SPIDR: variants seen among roughly 807,000 people sequenced by gnomAD.
SPIDR encodes the protein DNA repair-scaffolding protein.
A neutral mutation model predicts 104.6 loss-of-function variants in SPIDR; 93 were observed. The ratio of observed to expected loss-of-function variants is 0.89; its 90% CI spans 0.75 to 1.06. The LOEUF (loss-of-function observed/expected upper bound fraction) is 1.06. Among genes scored for constraint, SPIDR ranks in the 50% least tolerant of loss-of-function variants. SPIDR has a pLI of 0.00. For missense variants in SPIDR, 1,154 were observed against 1,111.2 expected, an observed-to-expected ratio of 1.04 and a Z score of -0.55; for synonymous variants, 431 against 416.9, an observed-to-expected ratio of 1.03 and a Z score of -0.41.
chr8:47,535,361 T>G (rs2086722083), intron 8 of SPIDR, among the ~76,000 whole-genome samples: 1 of 151,958 alleles, frequency 6.6e-6, no homozygotes, highest in African/African-American at 2.4e-5. Context: ...ACTCACAGAT[T>G]GTGAGGGATG....
intron 11 of SPIDR, among the ~76,000 whole-genome samples, chr8:47,684,378 A>G (rs1283060929): frequency 6.6e-6 from 1 of 152,142 alleles, no homozygotes; most frequent in Non-Finnish European, 1.5e-5. Context: ...TAAAACAACA[A>G]CAACAAAAAC....
chr8:47,279,936 C>T lies in SPIDR; in HGVS notation c.108C>T (p.Leu36=). ...ERPLQVRRAG[L]RTAGAAASLS... ...CACTGCAGGTCAGAAGAGCAGGTCT[C>T]AGGACAGCAGGGGCAGCTGCCTCTC... is the stretch of plus-strand genomic sequence containing the variant. The change falls in exon 2 of 20, where the codon CTC becomes CTT. Residue 36 remains leucine (L), a synonymous_variant. Transcript: ENST00000297423. 1 of 1,614,152 alleles carries T rather than the reference C, an allele frequency of 6.2e-7. No homozygotes were observed. Among genetic ancestry groups the T allele is most frequent in the Non-Finnish European group, 8.5e-7 (1 of 1,180,012 alleles).
intron 5 of SPIDR, among the ~76,000 whole-genome samples, chr8:47,351,639 A>T (rs1236167435): frequency 6.6e-6 from 1 of 152,208 alleles, no homozygotes; most frequent in Non-Finnish European, 1.5e-5. Context: ...TGTGGATTCA[A>T]TCAACCATGG....
At chr8:47,673,035 A>G (rs2075992289) in intron 10 of SPIDR, among the ~76,000 whole-genome samples, 1 of 152,110 alleles carries the variant, frequency 6.6e-6, no homozygotes, top group Non-Finnish European at 1.5e-5. Context: ...AACAGTTTTT[A>G]TGTCCATTTT....
chr8:47,631,293 T>C (rs2154442384), intron 10 of SPIDR, among the ~76,000 whole-genome samples: 1 of 152,324 alleles, frequency 6.6e-6, no homozygotes, highest in African/African-American at 2.4e-5. Flanking sequence ...GATTGCAGTC[T>C]TTAGTTGAAG....
Position 47,336,876 on chromosome 8 carries a change from C to G in SPIDR, c.525+42846C>G, listed in dbSNP as rs183056707. Among the ~76,000 whole-genome samples, 98 of 152,254 alleles carry G rather than the reference C, an allele frequency of 6.4e-4. 1 individual carries two copies. The East Asian group carries it at 0.017, about 26-fold the overall frequency. The stretch of plus-strand genomic sequence containing the variant: ...TTTTCTCTGAAGTGGCTGCACTGTT[C>G]TGCATTCCCACTAGAAATGTTTGAG... On this transcript the variant is annotated intron_variant, in intron 5 of 19. Transcript: ENST00000297423.
intron 10 of SPIDR, among the ~76,000 whole-genome samples, chr8:47,631,201 T>C (rs2067023633): frequency 6.6e-6 from 1 of 152,178 alleles, no homozygotes; most frequent in African/African-American, 2.4e-5. Context: ...CCATGGATCC[T>C]CTGACTCTGA....
chr8:47,326,890 G>A (rs2047745962), intron 5 of SPIDR, among the ~76,000 whole-genome samples: 1 of 152,194 alleles, frequency 6.6e-6, no homozygotes, highest in Admixed American at 6.5e-5. Flanking sequence ...TGGCTACTGT[G>A]AATAGAGCTG....
Position 47,396,440 on chromosome 8 carries a change from T to G in SPIDR, c.590T>G (p.Val197Gly). Residue 197 changes from valine to glycine, a missense_variant, in exon 6 of 20, where the codon GTC (valine) becomes GGC (glycine). Coordinates refer to ENST00000297423, the MANE Select transcript of SPIDR (RefSeq NM_001080394.4). ...DSEKEDDLEN[V>G]LLIDSESPHK... ...GAAAAAGAAGATGATTTGGAAAATG[T>G]CCTACTCATTGATTCAGAATCCCCT... The G allele has an allele frequency of 6.2e-7, 1 of 1,613,980 alleles. No homozygotes were observed. Among genetic ancestry groups the G allele is most frequent in the South Asian group, 1.1e-5 (1 of 91,084 alleles).
At chr8:47,572,691 A>G (rs1335617852) in intron 8 of SPIDR, among the ~76,000 whole-genome samples, 4 of 151,166 alleles carry the variant, frequency 2.6e-5, no homozygotes, top group Admixed American at 2.0e-4. Flanking sequence ...TAAATAAATA[A>G]ATAAATAAAT....
At chr8:47,297,998 G>C (rs988901256) in intron 5 of SPIDR, among the ~76,000 whole-genome samples, 1 of 152,278 alleles carries the variant, frequency 6.6e-6, no homozygotes, top group East Asian at 1.9e-4. Flanking sequence ...GGGTCAAATG[G>C]TATTTCTAGT....
At chr8:47,432,485 C>A (rs1307071996) in intron 7 of SPIDR, among the ~76,000 whole-genome samples, 1 of 152,146 alleles carries the variant, frequency 6.6e-6, no homozygotes, top group Non-Finnish European at 1.5e-5. Flanking sequence ...TATTAGGAGT[C>A]ATTCATTTCT....
chr8:47,416,307 T>A (rs1181413464), intron 7 of SPIDR, among the ~76,000 whole-genome samples: 1 of 152,194 alleles, frequency 6.6e-6, no homozygotes, highest in Non-Finnish European at 1.5e-5. Context: ...TTGAGATTTT[T>A]CACTTAGTTT....
chr8:47,563,314 C>T (rs1472452905), intron 8 of SPIDR, among the ~76,000 whole-genome samples: 8 of 152,072 alleles, frequency 5.3e-5, no homozygotes, highest in Admixed American at 3.9e-4. Flanking sequence ...AGATTACCAG[C>T]GTGCACCATG....
intron 8 of SPIDR, among the ~76,000 whole-genome samples, chr8:47,541,973 G>T (rs1031154703): frequency 2.0e-5 from 3 of 152,002 alleles, no homozygotes; most frequent in Non-Finnish European, 4.4e-5. Context: ...TAATCCACAT[G>T]CATACACATA....
At chr8:47,673,616 T>G in intron 10 of SPIDR, 185 bp from the exon 11 acceptor site, 1 of 732,768 alleles carries the variant, frequency 1.4e-6, no homozygotes, top group Non-Finnish European at 2.2e-6. Flanking sequence ...GACTCACCCA[T>G]TTAGGAAGAT....
At chr8:47,552,459 A>G (rs550452142) in intron 8 of SPIDR, among the ~76,000 whole-genome samples, 2 of 152,254 alleles carry the variant, frequency 1.3e-5, no homozygotes, top group East Asian at 3.9e-4. Flanking sequence ...GTGCTCCTGT[A>G]TTGGGTGCAT....
intron 6 of SPIDR, 105 bp downstream of exon 6, chr8:47,396,731 A>G: frequency 8.4e-7 from 1 of 1,184,976 alleles, no homozygotes; most frequent in Non-Finnish European, 1.2e-6. Context: ...GAAGTCCTAA[A>G]TTCTGGAGCT....
chr8:47,511,232 C>G (rs1045874983), intron 8 of SPIDR: 2 of 1,588,992 alleles, frequency 1.3e-6, no homozygotes, highest in Non-Finnish European at 1.7e-6. Flanking sequence ...AGCCTCCCAC[C>G]GTCTGCAAGC....
Sources: allele counts gnomAD v4.1 joint callset (sites outside exome capture counted in the v4.1 genomes callset), GRCh38; gene constraint gnomAD v4.1.1; transcripts MANE v1.5; gene names NCBI Gene and HGNC (gene_info 2026-07-23, HGNC 2026-07-21).